MIPOL1: variants seen among roughly 807,000 people sequenced by gnomAD.
MIPOL1 encodes the protein mirror-image polydactyly gene 1 protein.
MIPOL1 carries 57 observed loss-of-function variants against 60.9 expected under a neutral mutation model. The ratio of observed to expected loss-of-function variants is 0.94; its 90% CI spans 0.76 to 1.17. The LOEUF (loss-of-function observed/expected upper bound fraction) is 1.17, where lower values mean the gene tolerates loss of function less well. MIPOL1 is among the 50% of genes most tolerant of loss of function. The probability of loss-of-function intolerance (pLI) is 0.00; values close to 1 mark genes in which losing one functional copy is unlikely to be tolerated. For missense variants in MIPOL1, 551 were observed against 511.6 expected, an observed-to-expected ratio of 1.08 and a Z score of -0.74; for synonymous variants, 179 against 168.8, an observed-to-expected ratio of 1.06 and a Z score of -0.47.
At chr14:37,542,810 T>C (rs2153641901) in intron 12 of MIPOL1, among the ~76,000 whole-genome samples, 1 of 152,330 alleles carries the variant, frequency 6.6e-6, no homozygotes. Flanking sequence ...GTTCTTTGAA[T>C]AATCAAAGCC....
intron 1 of MIPOL1, among the ~76,000 whole-genome samples, chr14:37,202,912 G>A (rs1333269859): frequency 6.6e-6 from 1 of 152,128 alleles, no homozygotes; most frequent in Non-Finnish European, 1.5e-5. Flanking sequence ...CAAGGTGAAT[G>A]TATTTGTCTA....
At chr14:37,502,276 AG>A (rs2095226735) in intron 12 of MIPOL1, 1 of 152,308 alleles carries the variant, frequency 6.6e-6, no homozygotes, top group South Asian at 2.1e-4. Flanking sequence ...AGCTCTGAGA[AG>A]GGACAGACTG....
chr14:37,355,738 G>C (rs2153477738), intron 9 of MIPOL1, among the ~76,000 whole-genome samples: 1 of 148,258 alleles, frequency 6.7e-6, no homozygotes, highest in South Asian at 2.3e-4. Context: ...TAGTTCTCGA[G>C]CCTTGGTTTT....
At chr14:37,423,032 G>T in intron 11 of MIPOL1, 83 bp downstream of exon 11, 1 of 791,334 alleles carries the variant, frequency 1.3e-6, no homozygotes, top group Non-Finnish European at 2.1e-6. Flanking sequence ...AGTGAATGAG[G>T]AAATACCTCA....
At chr14:37,259,137 T>A (rs761271853) in intron 3 of MIPOL1, among the ~76,000 whole-genome samples, 5 of 152,210 alleles carry the variant, frequency 3.3e-5, no homozygotes, top group Non-Finnish European at 7.4e-5. Context: ...ATTGACAGAT[T>A]TAGTGATTAT....
At chr14:37,254,398 T>C (rs972781481) in intron 3 of MIPOL1, among the ~76,000 whole-genome samples, 5 of 151,864 alleles carry the variant, frequency 3.3e-5, no homozygotes, top group Admixed American at 6.6e-5. Context: ...ATTTCTAATA[T>C]GAATAGTTCA....
At chr14:37,265,069 A>G (rs974600489) in intron 3 of MIPOL1, 2 of 152,108 alleles carry the variant, frequency 1.3e-5, no homozygotes, top group African/African-American at 4.8e-5. Context: ...CGACTATAAC[A>G]TCTTGTCATT....
At chr14:37,288,120 G>T (rs1056906335) in intron 7 of MIPOL1, among the ~76,000 whole-genome samples, 184 of 152,020 alleles carry the variant, frequency 1.2e-3, no homozygotes, top group Non-Finnish European at 2.4e-4. Flanking sequence ...AGTTAAGAAT[G>T]GACTTTTATT....
At chr14:37,209,170 C>G (rs1361266404) in intron 1 of MIPOL1, among the ~76,000 whole-genome samples, 1 of 152,000 alleles carries the variant, frequency 6.6e-6, no homozygotes, top group Non-Finnish European at 1.5e-5. Flanking sequence ...AGTGTCTTTT[C>G]CTATTTGTGA....
chr14:37,328,465 A>G (rs986991758), intron 9 of MIPOL1, among the ~76,000 whole-genome samples: 4 of 152,198 alleles, frequency 2.6e-5, no homozygotes, highest in Non-Finnish European at 5.9e-5. Context: ...TAAAAGTTTT[A>G]TTATATGTTA....
chr14:37,441,807 C>T (rs1360622533), intron 11 of MIPOL1, among the ~76,000 whole-genome samples: 8 of 151,808 alleles, frequency 5.3e-5, no homozygotes, highest in Non-Finnish European at 1.0e-4. Context: ...TGAAAAATGA[C>T]GTTGGTGTTT....
At chr14:37,208,224 C>T (rs912477887) in intron 1 of MIPOL1, among the ~76,000 whole-genome samples, 1 of 152,118 alleles carries the variant, frequency 6.6e-6, no homozygotes, top group African/African-American at 2.4e-5. Context: ...TGGAGAATGA[C>T]TTTCAATATG....
chr14:37,477,868 G>GCAC (rs1290662377), intron 11 of MIPOL1, among the ~76,000 whole-genome samples: 2 of 152,238 alleles, frequency 1.3e-5, no homozygotes, highest in Non-Finnish European at 2.9e-5. Flanking sequence ...ATGGGGCCAG[G>GCAC]ATTTACATAC....
chr14:37,258,269 ATTAT>A (rs1975296436), intron 3 of MIPOL1, among the ~76,000 whole-genome samples: 2 of 152,080 alleles, frequency 1.3e-5, no homozygotes, highest in African/African-American at 2.4e-5. Flanking sequence ...TCTTTTATAG[ATTAT>A]TTATGAAATT....
intron 11 of MIPOL1, among the ~76,000 whole-genome samples, chr14:37,499,339 A>T (rs867720412): frequency 2.6e-5 from 4 of 152,194 alleles, no homozygotes; most frequent in Non-Finnish European, 4.4e-5. Context: ...GCCAAAAAAA[A>T]ATATACACAT....
At chr14:37,244,583 T>C (rs1384810666) in intron 1 of MIPOL1, among the ~76,000 whole-genome samples, 1 of 152,006 alleles carries the variant, frequency 6.6e-6, no homozygotes, top group Admixed American at 6.6e-5. Context: ...CCATCACAAC[T>C]TATAAACAAA....
rs1594951912 is a variant in MIPOL1 at position 37,549,242 on chromosome 14, A to G, written c.*2271A>G. 2 of 151,950 alleles carry G rather than the reference A, an allele frequency of 1.3e-5. No individual in the cohort carries two copies. Among genetic ancestry groups the G allele is most frequent in the Non-Finnish European group, 2.9e-5 (2 of 67,814 alleles). The allele number at this position is 151,950 out of a possible 1,614,324, so 9.4% of individuals were successfully genotyped here. A position where few individuals can be genotyped will look rare whatever the true frequency, so the allele number is the denominator to read the frequency against. ...ACACATCATCAACTCTAAATCCTAT[A>G]GTAACATGAGAATTCACTTCTTCTT... On this transcript the variant is annotated 3_prime_UTR_variant, in exon 13 of 13. Coordinates refer to ENST00000684589, the MANE Select transcript of MIPOL1 (RefSeq NM_001388067.1).
intron 10 of MIPOL1, among the ~76,000 whole-genome samples, chr14:37,374,127 A>G (rs1001825732): frequency 4.6e-5 from 7 of 152,240 alleles, no homozygotes; most frequent in Admixed American, 3.9e-4. Flanking sequence ...CATCTCTCTA[A>G]TGACAGTGAT....
intron 10 of MIPOL1, among the ~76,000 whole-genome samples, chr14:37,419,972 C>G (rs1348053394): frequency 2.6e-5 from 4 of 151,782 alleles, no homozygotes; most frequent in African/African-American, 9.7e-5. Context: ...ACCTCCTGGG[C>G]TGAAGTAATC....
Sources: allele counts gnomAD v4.1 joint callset (sites outside exome capture counted in the v4.1 genomes callset), GRCh38; gene constraint gnomAD v4.1.1; transcripts MANE v1.5; gene names NCBI Gene and HGNC (gene_info 2026-07-23, HGNC 2026-07-21).